The following CTNNA3 variants were observed in gnomAD, a reference collection of about 807,000 sequenced individuals.
CTNNA3 encodes catenin alpha-3.
In CTNNA3, 76 loss-of-function variants were observed where a neutral mutation model predicts 95.7. The ratio of observed to expected loss-of-function variants is 0.79; its 90% CI spans 0.66 to 0.96. CTNNA3 has a LOEUF of 0.96. Ranked by LOEUF, CTNNA3 falls within the 40% of genes least tolerant of loss-of-function variation. The pLI, the probability that CTNNA3 is intolerant of heterozygous loss-of-function variation, is 0.00. For synonymous variants in CTNNA3, 431 were observed against 374.4 expected, an observed-to-expected ratio of 1.15 and a Z score of -1.74; for missense variants, 1,191 against 1,089.8, an observed-to-expected ratio of 1.09 and a Z score of -1.31.
chr10:66,271,844 G>C (rs1466326649), intron 13 of CTNNA3, among the ~76,000 whole-genome samples: 1 of 152,166 alleles, frequency 6.6e-6, no homozygotes, highest in African/African-American at 2.4e-5. Context: ...CTTTCTCTCA[G>C]AATGAGCAAC....
intron 5 of CTNNA3, among the ~76,000 whole-genome samples, chr10:67,431,613 G>A (rs956192911): frequency 6.6e-6 from 1 of 151,812 alleles, no homozygotes; most frequent in African/African-American, 2.4e-5. Flanking sequence ...AGCCTGAAGG[G>A]TACACTGAGA....
intron 5 of CTNNA3, among the ~76,000 whole-genome samples, chr10:67,514,154 G>A (rs1365996295): frequency 6.6e-6 from 1 of 152,076 alleles, no homozygotes; most frequent in East Asian, 1.9e-4. Flanking sequence ...CAAAAAATTA[G>A]CTGGGCATGG....
intron 1 of CTNNA3, among the ~76,000 whole-genome samples, chr10:67,659,201 G>A (rs899074106): frequency 2.0e-5 from 3 of 152,056 alleles, no homozygotes; most frequent in Non-Finnish European, 4.4e-5. Context: ...ATGTCCTTCT[G>A]ATCATGAATA....
chr10:66,633,659 A>G (rs547515378), intron 9 of CTNNA3, among the ~76,000 whole-genome samples: 42 of 152,176 alleles, frequency 2.8e-4, no homozygotes, highest in African/African-American at 8.4e-4. Flanking sequence ...CAGCCTGGGC[A>G]ACAGAGCAAG....
chr10:66,671,825 G>A (rs781501674), intron 9 of CTNNA3, among the ~76,000 whole-genome samples: 4 of 152,130 alleles, frequency 2.6e-5, no homozygotes, highest in Non-Finnish European at 5.9e-5. Context: ...TCTGTAAAAC[G>A]GGGATAAGAG....
chr10:67,117,949 T>C (rs1859269292), intron 7 of CTNNA3, among the ~76,000 whole-genome samples: 1 of 152,012 alleles, frequency 6.6e-6, no homozygotes, highest in African/African-American at 2.4e-5. Context: ...TGACTGCTTT[T>C]CATGACCGAT....
rs554466070 is a variant in CTNNA3 at position 66,778,374 on chromosome 10, A to G, written c.1048-2850T>C. On this transcript the variant is annotated intron_variant, in intron 7 of 17. Coordinates refer to ENST00000433211, the MANE Select transcript of CTNNA3 (RefSeq NM_013266.4). ...TTTTCAAAGCCTTAACAAATCATCA[A>G]TGAGCTCGGACTAAAGGTGAATTCT... Among the ~76,000 whole-genome samples the G allele has an allele frequency of 4.6e-4, 70 of 152,258 alleles. 1 individual carries two copies. The South Asian group carries it at 0.013, about 28-fold the overall frequency.
chr10:67,330,064 A>G (rs1189314977), intron 5 of CTNNA3, among the ~76,000 whole-genome samples: 1 of 152,226 alleles, frequency 6.6e-6, no homozygotes, highest in Non-Finnish European at 1.5e-5. Context: ...AAGTTACCCA[A>G]TAAAAATTTC....
intron 9 of CTNNA3, among the ~76,000 whole-genome samples, chr10:66,756,311 A>G (rs1455936999): frequency 6.6e-6 from 1 of 152,198 alleles, no homozygotes; most frequent in African/African-American, 2.4e-5. Context: ...TTATATTGGA[A>G]CGCCATATAT....
At chr10:66,123,272 C>T (rs2082664894) in intron 13 of CTNNA3, among the ~76,000 whole-genome samples, 1 of 152,152 alleles carries the variant, frequency 6.6e-6, no homozygotes, top group South Asian at 2.1e-4. Context: ...AGGCACCATG[C>T]AAGCGTGAAA....
chr10:66,520,219 T>C (rs997974844), intron 11 of CTNNA3, among the ~76,000 whole-genome samples: 2 of 147,738 alleles, frequency 1.4e-5, no homozygotes, highest in Admixed American at 6.8e-5. Context: ...CTGGATTAAA[T>C]AAAATTAATC....
chr10:66,765,372 G>A (rs1839803023), intron 9 of CTNNA3, among the ~76,000 whole-genome samples: 1 of 152,190 alleles, frequency 6.6e-6, no homozygotes, highest in Non-Finnish European at 1.5e-5. Context: ...ATAGGAAGGT[G>A]TGGCAGTCAA....
chr10:67,625,037 C>T (rs1843984902), intron 2 of CTNNA3, among the ~76,000 whole-genome samples: 1 of 152,142 alleles, frequency 6.6e-6, no homozygotes, highest in African/African-American at 2.4e-5. Flanking sequence ...CGTAGGAGCC[C>T]TATCTCTTGG....
intron 13 of CTNNA3, among the ~76,000 whole-genome samples, chr10:66,147,093 A>G (rs897675389): frequency 4.6e-5 from 7 of 152,076 alleles, no homozygotes; most frequent in Non-Finnish European, 1.0e-4. Context: ...TATTATATTT[A>G]TATCTCTCTT....
At chr10:67,188,266 T>C (rs1862956583) in intron 6 of CTNNA3, among the ~76,000 whole-genome samples, 1 of 152,184 alleles carries the variant, frequency 6.6e-6, no homozygotes, top group African/African-American at 2.4e-5. Flanking sequence ...GAGGCACAGA[T>C]GAGCCAATTG....
chr10:66,675,563 A>T (rs922048617), intron 9 of CTNNA3, among the ~76,000 whole-genome samples: 1 of 152,158 alleles, frequency 6.6e-6, no homozygotes, highest in Non-Finnish European at 1.5e-5. Flanking sequence ...TGTCAACATG[A>T]TTAAAATTAC....
At chr10:67,598,442 C>G (rs2088715) in intron 3 of CTNNA3, among the ~76,000 whole-genome samples, 49 of 152,054 alleles carry the variant, frequency 3.2e-4, no homozygotes, top group African/African-American at 9.7e-4. Context: ...CTTCCTCCCC[C>G]CTTCAGCCCA....
At chr10:66,184,574 G>A (rs1589665956) in intron 13 of CTNNA3, among the ~76,000 whole-genome samples, 2 of 152,016 alleles carry the variant, frequency 1.3e-5, no homozygotes, top group African/African-American at 2.4e-5. Context: ...GTTTTGCAAC[G>A]TTAACTCTAT....
chr10:67,308,574 C>T (rs534602243), intron 5 of CTNNA3, among the ~76,000 whole-genome samples: 2 of 152,018 alleles, frequency 1.3e-5, no homozygotes, highest in East Asian at 3.9e-4. Flanking sequence ...ATACATACAT[C>T]TTTGAGACAT....
Sources: allele counts gnomAD v4.1 joint callset (sites outside exome capture counted in the v4.1 genomes callset), GRCh38; gene constraint gnomAD v4.1.1; transcripts MANE v1.5; gene names NCBI Gene and HGNC (gene_info 2026-07-23, HGNC 2026-07-21).